LINGO2: variants seen among roughly 807,000 people sequenced by gnomAD.
The protein encoded by LINGO2 is leucine rich repeat and Ig domain containing 2.
A neutral mutation model predicts 30.6 loss-of-function variants in LINGO2; 14 were observed. That is an observed-to-expected ratio of 0.46 (90% CI 0.30 to 0.72). The LOEUF (loss-of-function observed/expected upper bound fraction) is 0.72. Among genes scored for constraint, LINGO2 ranks in the 30% least tolerant of loss-of-function variants. The pLI, the probability that LINGO2 is intolerant of heterozygous loss-of-function variation, is 0.07. For synonymous variants in LINGO2, 317 were observed against 288.5 expected, an observed-to-expected ratio of 1.10 and a Z score of -1.00; for missense variants, 729 against 751.7, an observed-to-expected ratio of 0.97 and a Z score of 0.35.
the LINGO2 span, among the ~76,000 whole-genome samples, chr9:28,882,780 C>T: frequency 1.3e-5 from 2 of 152,136 alleles, no homozygotes; most frequent in African/African-American, 4.8e-5. Context: ...CTATCCTTTG[C>T]TGCTGATACT....
At chr9:28,284,956 G>T (rs1375831058) in intron 4 of LINGO2, among the ~76,000 whole-genome samples, 1 of 152,140 alleles carries the variant, frequency 6.6e-6, no homozygotes, top group Non-Finnish European at 1.5e-5. Flanking sequence ...ACTGTAAGAT[G>T]GAAATTGTTG....
intron 4 of LINGO2, among the ~76,000 whole-genome samples, chr9:28,250,992 C>T (rs759009414): frequency 2.7e-4 from 41 of 152,144 alleles, no homozygotes; most frequent in East Asian, 5.8e-4. Flanking sequence ...ACCTGTTCTT[C>T]GCCTCCACCT....
intron 4 of LINGO2, among the ~76,000 whole-genome samples, chr9:28,156,047 G>T (rs926150679): frequency 3.3e-5 from 5 of 152,162 alleles, no homozygotes; most frequent in South Asian, 2.1e-4. Flanking sequence ...TGTTACTACT[G>T]ATTTTAATCC....
At chr9:28,884,692 T>A in the LINGO2 span, among the ~76,000 whole-genome samples, 1 of 31,804 alleles carries the variant, frequency 3.1e-5, no homozygotes, top group Admixed American at 4.6e-4. Flanking sequence ...ATAGTGTATG[T>A]ATGTGTATAT....
the LINGO2 span, among the ~76,000 whole-genome samples, chr9:28,909,746 A>G: frequency 6.6e-6 from 1 of 152,050 alleles, no homozygotes; most frequent in Non-Finnish European, 1.5e-5. Flanking sequence ...ATCAGTGGCA[A>G]GGAATTGGAA....
chr9:27,984,254 T>G (rs1821021461), intron 5 of LINGO2, among the ~76,000 whole-genome samples: 1 of 151,900 alleles, frequency 6.6e-6, no homozygotes, highest in African/African-American at 2.4e-5. Context: ...AACAGGTTTA[T>G]GAGCCTTACA....
chr9:28,380,774 T>C (rs1821322118), intron 2 of LINGO2, among the ~76,000 whole-genome samples: 1 of 151,982 alleles, frequency 6.6e-6, no homozygotes, highest in Non-Finnish European at 1.5e-5. Context: ...AGATTGCAGA[T>C]GGAATATAGA....
chr9:28,855,708 T>A, the LINGO2 span, among the ~76,000 whole-genome samples: 1 of 151,918 alleles, frequency 6.6e-6, no homozygotes, highest in South Asian at 2.1e-4. Context: ...TATCCCTTCA[T>A]GAGAGTAAAA....
chr9:28,975,224 G>A, the LINGO2 span, among the ~76,000 whole-genome samples: 19 of 151,744 alleles, frequency 1.3e-4, no homozygotes, highest in Non-Finnish European at 2.7e-4. Context: ...AAATTCTTAG[G>A]AAAAGCAGAG....
intron 3 of LINGO2, among the ~76,000 whole-genome samples, chr9:28,353,161 T>A (rs1444147463): frequency 7.2e-6 from 1 of 139,240 alleles, no homozygotes; most frequent in Admixed American, 7.3e-5. Context: ...TGGGATCTAA[T>A]TAAACTAAAG....
At chr9:29,184,795 G>T in the LINGO2 span, among the ~76,000 whole-genome samples, 1 of 149,784 alleles carries the variant, frequency 6.7e-6, no homozygotes, top group Non-Finnish European at 1.5e-5. Flanking sequence ...TGAAAAGCTA[G>T]AAAAAATTAC....
At chr9:28,072,169 G>A (rs1825498131) in intron 4 of LINGO2, among the ~76,000 whole-genome samples, 1 of 152,154 alleles carries the variant, frequency 6.6e-6, no homozygotes, top group South Asian at 2.1e-4. Flanking sequence ...TTCTGGGAAA[G>A]GGACTCGCAC....
chr9:28,350,687 A>G (rs556531317), intron 3 of LINGO2, among the ~76,000 whole-genome samples: 2 of 152,050 alleles, frequency 1.3e-5, no homozygotes, highest in South Asian at 4.2e-4. Context: ...CCAAATCAAC[A>G]GAATATACAT....
chr9:29,043,603 C>G, the LINGO2 span, among the ~76,000 whole-genome samples: 1 of 151,934 alleles, frequency 6.6e-6, no homozygotes, highest in African/African-American at 2.4e-5. Context: ...TTCATTATTA[C>G]TAAGTAGTGC....
chr9:28,298,906 ATG>A (rs1362528833), intron 3 of LINGO2, among the ~76,000 whole-genome samples: 1 of 152,212 alleles, frequency 6.6e-6, no homozygotes, highest in Non-Finnish European at 1.5e-5. Flanking sequence ...AAATTCTAAC[ATG>A]TACAAACGCT....
the LINGO2 span, among the ~76,000 whole-genome samples, chr9:29,076,897 G>A: frequency 6.6e-6 from 1 of 151,872 alleles, no homozygotes; most frequent in Admixed American, 6.6e-5. Flanking sequence ...ATAAAAGTTT[G>A]GTTAAGAATT....
chr9:28,377,723 T>C (rs1821185589), intron 2 of LINGO2, among the ~76,000 whole-genome samples: 1 of 152,198 alleles, frequency 6.6e-6, no homozygotes, highest in Non-Finnish European at 1.5e-5. Flanking sequence ...ATACTTTTAA[T>C]AATGCCATTT....
intron 2 of LINGO2, among the ~76,000 whole-genome samples, chr9:28,428,581 C>G (rs190219510): frequency 6.6e-6 from 1 of 152,082 alleles, no homozygotes; most frequent in Admixed American, 6.6e-5. Flanking sequence ...GGTTTTCAGT[C>G]ATTGACCTCA....
intron 2 of LINGO2, among the ~76,000 whole-genome samples, chr9:28,435,712 A>G (rs1476924364): frequency 3.9e-5 from 6 of 152,342 alleles, no homozygotes; most frequent in Non-Finnish European, 7.3e-5. Flanking sequence ...TTGTGTATCA[A>G]GTAGCTCTCT....
Sources: allele counts gnomAD v4.1 joint callset (sites outside exome capture counted in the v4.1 genomes callset), GRCh38; gene constraint gnomAD v4.1.1; transcripts MANE v1.5; gene names NCBI Gene and HGNC (gene_info 2026-07-23, HGNC 2026-07-21).